TNC: variants seen among roughly 807,000 people sequenced by gnomAD.
The protein encoded by TNC is tenascin C.
Under a neutral mutation model 202.4 loss-of-function variants are expected in TNC, and 109 were observed. That is an observed-to-expected ratio of 0.54 (90% CI 0.46 to 0.63). TNC has a LOEUF of 0.63. TNC is among the 30% of genes least tolerant of loss of function. The pLI, the probability that TNC is intolerant of heterozygous loss-of-function variation, is 0.00. For missense variants in TNC, 2,756 were observed against 2,833.3 expected, an observed-to-expected ratio of 0.97 and a Z score of 0.62; for synonymous variants, 1,007 against 1,089.7, an observed-to-expected ratio of 0.92 and a Z score of 1.50.
At chr9:115,110,432 G>C (rs904450565) in intron 1 of TNC, among the ~76,000 whole-genome samples, 1 of 147,768 alleles carries the variant, frequency 6.8e-6, no homozygotes, top group African/African-American at 2.7e-5. Context: ...CTGGGGGCCA[G>C]TGGGAAAGCT....
At chr9:115,096,880 C>T (rs1835836719) in intron 1 of TNC, among the ~76,000 whole-genome samples, 2 of 152,138 alleles carry the variant, frequency 1.3e-5, no homozygotes, top group Non-Finnish European at 2.9e-5. Flanking sequence ...CTTAGAGTCT[C>T]GTAAGAATCT....
At position 115,084,198 on chromosome 9, in the gene TNC, T is replaced by G. The variant is rs1834529454; in HGVS notation, c.2131+11A>C. ...CAGGTGAGGCTGCCCAAAAGAGTTC[T>G]GCTCACTCACACGTGGCCACCCTGG... is the stretch of plus-strand genomic sequence containing the variant. On this transcript the variant is annotated intron_variant, in intron 4 of 27. Coordinates refer to ENST00000350763, the MANE Select transcript of TNC (RefSeq NM_002160.4). 3 of 1,612,130 alleles carry G rather than the reference T, an allele frequency of 1.9e-6. No homozygotes were observed. The highest frequency in any genetic ancestry group is 2.5e-6 in the Non-Finnish European group (3 of 1,178,854).
rs998164577 is a variant in TNC at position 115,057,500 on chromosome 9, GTTGTTAATAGAACCA to G, written c.4307-90_4307-76del. On this transcript the variant is annotated intron_variant, in intron 14 of 27. Transcript: ENST00000350763. The stretch of plus-strand genomic sequence containing the variant: ...TATTTGGCTGTGTTTTAAGATTGAG[GTTGTTAATAGAACCA>G]TTGCTGGGTAGAGAGATCTGATAAT... The G allele has an allele frequency of 3.4e-5, 48 of 1,424,954 alleles. No individual in the cohort carries two copies. The African/African-American group carries it at 6.3e-4, about 19-fold the overall frequency. The allele number at this position is 1,424,954 out of a possible 1,614,324, so 88.3% of individuals were successfully genotyped here. A position where few individuals can be genotyped will look rare whatever the true frequency, so the allele number is the denominator to read the frequency against.
chr9:115,101,438 C>A (rs1045718993), intron 1 of TNC, among the ~76,000 whole-genome samples: 1 of 152,156 alleles, frequency 6.6e-6, no homozygotes, highest in African/African-American at 2.4e-5. Flanking sequence ...GTCTCGAACT[C>A]CTGACCTCAG....
At chr9:115,033,221 A>AT (rs1396567779) in intron 22 of TNC, among the ~76,000 whole-genome samples, 2 of 151,852 alleles carry the variant, frequency 1.3e-5, no homozygotes, top group East Asian at 1.9e-4. Context: ...TACCAGGTTG[A>AT]TTTTTTTTCT....
chr9:115,040,853 A>G, intron 19 of TNC, 88 bp downstream of exon 19: 1 of 1,476,120 alleles, frequency 6.8e-7, no homozygotes, highest in South Asian at 1.4e-5. Context: ...ATGAGCTACA[A>G]GGCTGAAGGT....
At chr9:115,040,891 C>A (rs1830676896) in intron 19 of TNC, 50 bp downstream of exon 19, 11 of 1,531,274 alleles carry the variant, frequency 7.2e-6, no homozygotes, top group Non-Finnish European at 7.9e-6. Flanking sequence ...GCACAAGTGA[C>A]CTCTGAAAAA....
intron 1 of TNC, among the ~76,000 whole-genome samples, chr9:115,110,165 A>G (rs1227756752): frequency 6.6e-6 from 1 of 152,216 alleles, no homozygotes; most frequent in Non-Finnish European, 1.5e-5. Flanking sequence ...AATAGGTGAA[A>G]AACATAAAAA....
intron 1 of TNC, among the ~76,000 whole-genome samples, chr9:115,106,270 G>A (rs969411484): frequency 2.6e-5 from 4 of 152,170 alleles, no homozygotes; most frequent in African/African-American, 9.7e-5. Context: ...GCTTAAGAAG[G>A]TTAAGTAAGT....
chr9:115,050,903 AC>A lies in TNC; in HGVS notation c.4580-2372del, dbSNP rs143075174. ...AAAAAGCTGTGGGAGAGGTTTAGAA[AC>A]CACAAAAGCTTGATCTCAAAATCCT... On this transcript the variant is annotated intron_variant, in intron 15 of 27. Transcript: ENST00000350763. Among the ~76,000 whole-genome samples, 652 of 152,262 alleles carry A rather than the reference AC, an allele frequency of 4.3e-3. 3 individuals carry two copies. The highest frequency in any genetic ancestry group is 0.015 in the African/African-American group (622 of 41,560).
rs1401712555 is a variant in TNC at position 115,042,264 on chromosome 9, C to A, written c.5203G>T (p.Ala1735Ser). The stretch of plus-strand genomic sequence containing the variant: ...GTAATCCGGAAGCTCTCCACTTGGG[C>A]TGTGGGTGCCCTCCAGCTGACAGTA... ...SATVSWRAPT[A>S]QVESFRITYV... Residue 1735 changes from alanine to serine, a missense_variant, in exon 18 of 28, where the codon GCC (alanine) becomes TCC (serine). Around this residue, in one of 2 missense-constraint regions of TNC, gnomAD observed 2,559 missense variants for 2,546.0 expected, o/e 1.01. Coordinates refer to ENST00000350763, the MANE Select transcript of TNC (RefSeq NM_002160.4). 2.5e-6 allele frequency: 4 copies of A among 1,614,158 alleles called. No individual in the cohort carries two copies. The highest frequency in any genetic ancestry group is 1.7e-6 in the Non-Finnish European group (2 of 1,179,998).
At chr9:115,057,474 T>C (rs756199088) in intron 14 of TNC, 49 bp from the exon 15 acceptor site, 5 of 1,496,144 alleles carry the variant, frequency 3.3e-6, no homozygotes, top group Non-Finnish European at 3.5e-6. Flanking sequence ...TTTGAGTTAA[T>C]TATTTGGCTG....
intron 1 of TNC, among the ~76,000 whole-genome samples, chr9:115,091,612 G>T (rs1434522252): frequency 2.6e-5 from 4 of 152,112 alleles, no homozygotes. Flanking sequence ...TTATTATAGT[G>T]TTATAAAGGC....
chr9:115,024,346 T>A (rs911594541), intron 26 of TNC, among the ~76,000 whole-genome samples: 1 of 152,142 alleles, frequency 6.6e-6, no homozygotes, highest in Non-Finnish European at 1.5e-5. Flanking sequence ...CATAATGTGG[T>A]GGGAAGAGGG....
Position 115,031,828 on chromosome 9 carries a change from C to T in TNC, c.5788-143G>A, listed in dbSNP as rs878958536. On this transcript the variant is annotated intron_variant, in intron 22 of 27. Coordinates refer to ENST00000350763, the MANE Select transcript of TNC (RefSeq NM_002160.4). ...GAATTCATTGAGTACCCACTCTCTA[C>T]CAGGCTCCATGTGCACTGCTGAGAT... The T allele has an allele frequency of 2.6e-5, 26 of 1,014,214 alleles. No individual in the cohort carries two copies. The South Asian group carries it at 4.3e-4, about 17-fold the overall frequency. The allele number at this position is 1,014,214 out of a possible 1,614,324, so 62.8% of individuals were successfully genotyped here. A position where few individuals can be genotyped will look rare whatever the true frequency, so the allele number is the denominator to read the frequency against.
rs141819052 is a variant in TNC at position 115,063,099 on chromosome 9, T to A, written c.3851A>T (p.Asp1284Val). 8 of 1,613,998 alleles carry A rather than the reference T, an allele frequency of 5.0e-6. No individual in the cohort carries two copies. The highest frequency in any genetic ancestry group is 6.8e-6 in the Non-Finnish European group (8 of 1,180,024). The change falls in exon 13 of 28, where the codon GAC becomes GTC. Residue 1284 changes from aspartate to valine, a missense_variant. Asp to Val is a radical substitution (Grantham distance 152). Transcript: ENST00000350763. The part of the protein sequence containing the change: ...LNWTTPDGTY[D>V]QFTIQVQEAD... Reference sequence around the variant, plus strand: ...CTCCTGGACCTGAATAGTAAACTGGTCATAGGTTCCATCTGGCGTGGTCCA... The same window carrying A: ...CTCCTGGACCTGAATAGTAAACTGGACATAGGTTCCATCTGGCGTGGTCCA...
intron 10 of TNC, among the ~76,000 whole-genome samples, chr9:115,066,695 T>G (rs1832981485): frequency 6.6e-6 from 1 of 152,232 alleles, no homozygotes; most frequent in African/African-American, 2.4e-5. Context: ...TAACAACAGT[T>G]TTTCTTACTT....
chr9:115,057,459 A>T, intron 14 of TNC, 34 bp from the exon 15 acceptor site: 1 of 1,550,470 alleles, frequency 6.4e-7, no homozygotes, highest in Non-Finnish European at 8.6e-7. Context: ...GAAGAAAAAA[A>T]TAAATTTGAG....
chr9:115,060,146 G>T, intron 13 of TNC, 144 bp from the exon 14 acceptor site: 1 of 914,000 alleles, frequency 1.1e-6, no homozygotes. Context: ...TTTGCAATTT[G>T]AACTGTGGTT....
Sources: gnomAD v4.1 joint callset for allele counts (sites outside exome capture counted in the v4.1 genomes callset) on GRCh38, gnomAD v4.1.1 for gene constraint, gnomAD v4.1.1 regional missense constraint, MANE v1.5 for transcripts, NCBI Gene and HGNC (gene_info 2026-07-23, HGNC 2026-07-21) for gene names.